Variants in NASP observed in about 807,000 individuals in gnomAD.
NASP encodes the protein nuclear autoantigenic sperm protein.
NASP carries 24 observed loss-of-function variants against 89.5 expected under a neutral mutation model. That is an observed-to-expected ratio of 0.27 (90% CI 0.19 to 0.38). The LOEUF (loss-of-function observed/expected upper bound fraction) is 0.38. Among genes scored for constraint, NASP ranks in the 10% least tolerant of loss-of-function variants. The probability of loss-of-function intolerance (pLI) is 1.00; values close to 1 mark genes in which losing one functional copy is unlikely to be tolerated. For synonymous variants in NASP, 306 were observed against 324.7 expected, an observed-to-expected ratio of 0.94 and a Z score of 0.62; for missense variants, 848 against 921.4, an observed-to-expected ratio of 0.92 and a Z score of 1.03.
chr1:45,594,704 T>A, intron 2 of NASP: 1 of 455,486 alleles, frequency 2.2e-6, no homozygotes, highest in South Asian at 1.6e-5. Context: ...AGATGAGGTT[T>A]CGTCACGTTG....
chr1:45,597,542 C>A (rs1292220966), intron 2 of NASP, among the ~76,000 whole-genome samples: 2 of 152,152 alleles, frequency 1.3e-5, no homozygotes, highest in Non-Finnish European at 2.9e-5. Context: ...TAAAACAGTG[C>A]CACTATTCTT....
chr1:45,602,592 T>G (rs554087682), intron 3 of NASP, among the ~76,000 whole-genome samples: 1 of 152,290 alleles, frequency 6.6e-6, no homozygotes, highest in South Asian at 2.1e-4. Context: ...TCACTACTAA[T>G]TTGGGTGACC....
At chr1:45,610,591 A>G (rs1203481531) in intron 6 of NASP, 1 of 152,140 alleles carries the variant, frequency 6.6e-6, no homozygotes, top group Non-Finnish European at 1.5e-5. Context: ...TCTAATAAAG[A>G]TAATTGGTCT....
At chr1:45,600,160 G>A (rs1643805798) in intron 2 of NASP, among the ~76,000 whole-genome samples, 1 of 152,076 alleles carries the variant, frequency 6.6e-6, no homozygotes, top group Non-Finnish European at 1.5e-5. Context: ...AACTTAAAAT[G>A]TCACTGACTC....
intron 2 of NASP, among the ~76,000 whole-genome samples, chr1:45,594,008 G>A (rs976996532): frequency 6.6e-6 from 1 of 151,528 alleles, no homozygotes; most frequent in African/African-American, 2.4e-5. Flanking sequence ...TAGTCTGGGT[G>A]ACAGAGTGAG....
chr1:45,617,323 G>T (rs1248532976), intron 13 of NASP, 140 bp from the exon 14 acceptor site: 6 of 959,166 alleles, frequency 6.3e-6, no homozygotes, highest in Non-Finnish European at 7.8e-6. Context: ...GCATCTGCCT[G>T]TGGCTAGGGA....
At chr1:45,617,309 G>C in intron 13 of NASP, 154 bp from the exon 14 acceptor site, 2 of 762,048 alleles carry the variant, frequency 2.6e-6, no homozygotes, top group Non-Finnish European at 4.2e-6. Flanking sequence ...GAGAGTACAG[G>C]TTGGCATCTG....
In NASP at chr1:45,617,158, CCTGTT is replaced by C. The variant is rs1569624901; in HGVS notation, c.2158-299_2158-295del. On this transcript the variant is annotated intron_variant, in intron 13 of 14. Coordinates refer to ENST00000350030, the MANE Select transcript of NASP (RefSeq NM_002482.4). ...GCCCTCAGCCAGGGAACTCTGAACT[CCTGTT>C]CTGTTTCCTGACTCAAACACAGGAA... 8.9e-6 allele frequency: 3 copies of C among 336,324 alleles called. No individual in the cohort carries two copies. The East Asian group carries it at 2.3e-4, about 25-fold the overall frequency. The allele number at this position is 336,324 out of a possible 1,614,324, so 20.8% of individuals were successfully genotyped here.
rs910075101 is a variant in NASP, at chr1:45,606,508, C to G, written c.326C>G (p.Ala109Gly). 6.2e-7 allele frequency: 1 copy of G among 1,613,662 alleles called. No homozygotes were observed. Among genetic ancestry groups the G allele is most frequent in the Non-Finnish European group, 8.5e-7 (1 of 1,179,802 alleles). Reference protein sequence around the residue: ...ARMENGVLGNALEGVHVEEEE... With the variant: ...ARMENGVLGNGLEGVHVEEEE... ...ATGGAGAATGGTGTGTTGGGAAACG[C>G]CTTGGAAGGTGTGCATGTGGAAGAG... The change falls in exon 5 of 15, where the codon GCC (alanine) becomes GGC (glycine). Residue 109 changes from alanine (A) to glycine (G), a missense_variant. Physicochemically the swap from Ala to Gly is moderately conservative, Grantham distance 60 (BLOSUM62 0). This residue lies in a region of NASP where 464 missense variants were observed against 469.4 expected (regional missense o/e 0.99). Transcript: ENST00000350030.
chr1:45,616,247 G>T (rs1644103204), intron 11 of NASP, 90 bp from the exon 12 acceptor site: 2 of 1,213,870 alleles, frequency 1.6e-6, no homozygotes, highest in African/African-American at 1.5e-5. Flanking sequence ...GTCTTAGTCA[G>T]TTGTTTGGAT....
At chr1:45,599,215 A>T (rs1368004330) in intron 2 of NASP, among the ~76,000 whole-genome samples, 1 of 151,918 alleles carries the variant, frequency 6.6e-6, no homozygotes, top group Non-Finnish European at 1.5e-5. Context: ...TGCAGCCTTG[A>T]ATTCCTGGGC....
At chr1:45,586,485 G>A (rs1458759400) in intron 1 of NASP, among the ~76,000 whole-genome samples, 1 of 152,084 alleles carries the variant, frequency 6.6e-6, no homozygotes, top group East Asian at 1.9e-4. Context: ...ACGAGTTTTT[G>A]CCATGTTGCC....
At position 45,607,754 on chromosome 1, in the gene NASP, G is replaced by C; in HGVS notation, c.843G>C (p.Gln281His). 1 of 1,614,156 alleles carries C rather than the reference G, an allele frequency of 6.2e-7. No individual in the cohort carries two copies. The highest frequency in any genetic ancestry group is 1.1e-5 in the South Asian group (1 of 91,084). The change falls in exon 6 of 15, where the codon CAG becomes CAC. Residue 281 changes from glutamine (Q) to histidine (H), a missense_variant. Physicochemically the swap from Gln to His is conservative, Grantham distance 24 (BLOSUM62 0). Coordinates refer to ENST00000350030, the MANE Select transcript of NASP (RefSeq NM_002482.4). Reference sequence around the variant, plus strand: ...AGCCAAAAGAAGTTTCAGAAGAGCAGCCTGTGGTGACTCTAGAAAAGCAGG... The same window carrying C: ...AGCCAAAAGAAGTTTCAGAAGAGCACCCTGTGGTGACTCTAGAAAAGCAGG... ...EEKPKEVSEE[Q>H]PVVTLEKQGT...
chr1:45,600,520 A>G (rs1643814173), intron 2 of NASP: 2 of 1,003,634 alleles, frequency 2.0e-6, no homozygotes, highest in Non-Finnish European at 2.5e-6. Flanking sequence ...AGATTCATCC[A>G]TGTTACCACC....
At chr1:45,593,510 G>C (rs142418899) in intron 2 of NASP, among the ~76,000 whole-genome samples, 2 of 145,074 alleles carry the variant, frequency 1.4e-5, no homozygotes, top group Admixed American at 7.0e-5. Flanking sequence ...TCCAGCCTGG[G>C]TGACAGAGTG....
At chr1:45,595,353 C>A (rs1183600134) in intron 2 of NASP, among the ~76,000 whole-genome samples, 4 of 152,064 alleles carry the variant, frequency 2.6e-5, no homozygotes, top group Non-Finnish European at 5.9e-5. Flanking sequence ...CAACACCATA[C>A]CCGTCATCTT....
intron 2 of NASP, among the ~76,000 whole-genome samples, chr1:45,595,252 C>T (rs1643666324): frequency 6.6e-6 from 1 of 151,640 alleles, no homozygotes; most frequent in Non-Finnish European, 1.5e-5. Context: ...CCCTATGATG[C>T]TCCCTCCTTA....
intron 4 of NASP, among the ~76,000 whole-genome samples, chr1:45,605,497 C>G (rs1243880609): frequency 2.0e-5 from 3 of 151,514 alleles, no homozygotes; most frequent in African/African-American, 7.3e-5. Context: ...GAGTCTCAGT[C>G]TGTCACCCAG....
rs1018667730 is a variant in NASP, at chr1:45,601,816, C to T, written c.108-439C>T. Among the ~76,000 whole-genome samples the T allele has an allele frequency of 1.7e-4, 20 of 115,312 alleles. 1 individual carries two copies. The East Asian group carries it at 4.5e-3, about 26-fold the overall frequency. 75.6% of individuals were successfully genotyped at this position (115,312 alleles called of 152,430 possible). A position where few individuals can be genotyped will look rare whatever the true frequency, so the allele number is the denominator to read the frequency against. On this transcript the variant is annotated intron_variant, in intron 2 of 14. Coordinates refer to ENST00000350030, the MANE Select transcript of NASP (RefSeq NM_002482.4). ...TGTTGACCAGGCTGGAGTGCAGTGG[C>T]GCATCTCAGCTCACTGCAAGCTCCG...
Sources: allele counts gnomAD v4.1 joint callset (sites outside exome capture counted in the v4.1 genomes callset), GRCh38; gene constraint gnomAD v4.1.1; regional missense constraint gnomAD v4.1.1; transcripts MANE v1.5; gene names NCBI Gene and HGNC (gene_info 2026-07-23, HGNC 2026-07-21).